Variants in LPIN3 observed in about 807,000 individuals in gnomAD.
LPIN3 encodes the protein lipin 3.
In LPIN3, 82 loss-of-function variants were observed where a neutral mutation model predicts 94.7. The ratio of observed to expected loss-of-function variants is 0.87; its 90% confidence interval spans 0.72 to 1.04. The LOEUF (loss-of-function observed/expected upper bound fraction) is 1.04, where lower values mean the gene tolerates loss of function less well. Among genes scored for constraint, LPIN3 ranks in the 50% least tolerant of loss-of-function variants. The probability of loss-of-function intolerance (pLI) is 0.00; values close to 1 mark genes in which losing one functional copy is unlikely to be tolerated. For synonymous variants in LPIN3, 418 were observed against 443.3 expected (o/e 0.94, Z 0.72); for missense variants, 996 against 1,090.5 (o/e 0.91, Z 1.22).
At chr20:41,356,971 C>A (rs150651050) in intron 14 of LPIN3, 69 bp from the exon 15 acceptor site, 7 of 1,567,994 alleles carry the variant, frequency 4.5e-6, no homozygotes, top group Non-Finnish European at 6.1e-6. Context: ...GAGGCCACGG[C>A]GTAAGGGGAG....
rs756368051 is a variant in LPIN3, at chr20:41,354,736, AG to A, written c.1620+1del. On this transcript the variant is annotated frameshift_variant and splice_region_variant, in exon 12 of 20. Coordinates refer to ENST00000373257, the MANE Select transcript of LPIN3 (RefSeq NM_022896.3). LOFTEE classifies it high-confidence loss of function. ...SWRRRDFLAE[E>X]RSAQKEKTAA... ...CGACGCAGGGACTTCCTGGCCGAGG[AG>A]GTGGGTGGTCACAGTCGAGGGCCAG... is the stretch of plus-strand genomic sequence containing the variant. 80 of 1,607,250 alleles carry A rather than the reference AG, an allele frequency of 5.0e-5. No individual in the cohort carries two copies. In the Admixed American group the frequency reaches 1.4e-3, roughly 27 times the overall value.
At chr20:41,351,151 G>T (rs934375771) in intron 7 of LPIN3, among the ~76,000 whole-genome samples, 1 of 151,858 alleles carries the variant, frequency 6.6e-6, no homozygotes, top group African/African-American at 2.4e-5. Flanking sequence ...TACTGAGGAG[G>T]CTGAGGCAGG....
At chr20:41,354,954 T>G in intron 13 of LPIN3, 91 bp downstream of exon 13, 1 of 1,235,416 alleles carries the variant, frequency 8.1e-7, no homozygotes, top group Non-Finnish European at 1.1e-6. Flanking sequence ...GCCAGCACCC[T>G]GTCTCCAGCT....
rs764929023 is a variant in LPIN3, at chr20:41,352,092, A to AAC, written c.1236_1237dup (p.Pro413HisfsTer8). 130 of 1,614,124 alleles carry AAC rather than the reference A, an allele frequency of 8.1e-5. No individual in the cohort carries two copies. The highest frequency in any genetic ancestry group is 1.0e-4 in the Non-Finnish European group (123 of 1,180,048). On this transcript the variant is annotated frameshift_variant, in exon 9 of 20. Coordinates refer to ENST00000373257, the MANE Select transcript of LPIN3 (RefSeq NM_022896.3). LOFTEE classifies it high-confidence loss of function. Reference sequence around the variant, plus strand: ...GGGCTGGGGGCCAGAAGATGGAGTGAACCCAGCAGTCAGAAGTCCCTGAGG... The same window carrying AAC: ...GGGCTGGGGGCCAGAAGATGGAGTGAACACCCAGCAGTCAGAAGTCCCTGAGG...
At position 41,355,959 on chromosome 20, in the gene LPIN3, C is replaced by A; in HGVS notation, c.1728C>A (p.Ile576=). The A allele has an allele frequency of 1.2e-6, 2 of 1,614,124 alleles. No individual in the cohort carries two copies. Among genetic ancestry groups the A allele is most frequent in the South Asian group, 1.1e-5 (1 of 91,074 alleles). Residue 576 remains isoleucine (I), a synonymous_variant, in exon 14 of 20, where the codon ATC becomes ATA. Coordinates refer to ENST00000373257, the MANE Select transcript of LPIN3 (RefSeq NM_022896.3). ...DAPDSPVILE[I]PSLPPSTPPS... ...CAGACAGCCCTGTGATCCTGGAGAT[C>A]CCCTCCTTGCCACCCTCCACTCCAC...
At position 41,348,878 on chromosome 20, in the gene LPIN3, A is replaced by C. The variant is rs771230776; in HGVS notation, c.548A>C (p.Glu183Ala). The change falls in exon 4 of 20, where the codon GAG becomes GCG. Residue 183 changes from glutamate to alanine, a missense_variant. By Grantham distance (107) the Glu-to-Ala change is moderately radical. Coordinates refer to ENST00000373257, the MANE Select transcript of LPIN3 (RefSeq NM_022896.3). Reference protein sequence around the residue: ...ELSLPEKLRPEPPGVQLEEKS... With the variant: ...ELSLPEKLRPAPPGVQLEEKS... ...TCCCTGCCGGAAAAGCTGAGGCCAG[A>C]GCCCCCAGGGTGTGTAAGGACCAAG... 3 of 1,604,542 alleles carry C rather than the reference A, an allele frequency of 1.9e-6. No individual in the cohort carries two copies. In the South Asian group the frequency reaches 3.3e-5, roughly 18 times the overall value.
rs1260649928 is a variant in LPIN3 at position 41,349,733 on chromosome 20, T to C, written c.639-41T>C. 21 of 1,578,920 alleles carry C rather than the reference T, an allele frequency of 1.3e-5. No individual in the cohort carries two copies. The East Asian group carries it at 4.7e-4, about 36-fold the overall frequency. ...TGGCTGGGGTGGGCAGCAGCGGGGA[T>C]GGGTAGGCAGGCTCAAGGCCTCTCA... is the stretch of plus-strand genomic sequence containing the variant. On this transcript the variant is annotated intron_variant, in intron 5 of 19. Coordinates refer to ENST00000373257, the MANE Select transcript of LPIN3 (RefSeq NM_022896.3).
intron 5 of LPIN3, 22 bp downstream of exon 5, chr20:41,349,194 A>C (rs1171884721): frequency 6.2e-7 from 1 of 1,605,520 alleles, no homozygotes; most frequent in Non-Finnish European, 8.5e-7. Context: ...GGTGGGCTGC[A>C]GGCCAGGACT....
chr20:41,355,664 T>C (rs1361503908), intron 13 of LPIN3, among the ~76,000 whole-genome samples: 1 of 152,216 alleles, frequency 6.6e-6, no homozygotes, highest in Non-Finnish European at 1.5e-5. Context: ...CACTGAGGGC[T>C]GGCAACCCTG....
rs201962045 is a variant in LPIN3 at position 41,358,544 on chromosome 20, T to G, written c.2411+2T>G. ...GCTCATAAAGAACCACAAATCCACGTGAGGCTAAACCCTGCCATGTTCCCC... is the reference window on the plus strand; with the variant it reads ...GCTCATAAAGAACCACAAATCCACGGGAGGCTAAACCCTGCCATGTTCCCC... On this transcript the variant is annotated splice_donor_variant, in intron 19 of 19. Coordinates refer to ENST00000373257, the MANE Select transcript of LPIN3 (RefSeq NM_022896.3). LOFTEE classifies it high-confidence loss of function. The G allele has an allele frequency of 1.2e-6, 2 of 1,613,924 alleles. No homozygotes were observed. Among genetic ancestry groups the G allele is most frequent in the Non-Finnish European group, 1.7e-6 (2 of 1,179,940 alleles).
At chr20:41,358,658 C>T (rs1043789546) in intron 19 of LPIN3, 64 bp from the exon 20 acceptor site, 2 of 1,606,070 alleles carry the variant, frequency 1.2e-6, no homozygotes, top group African/African-American at 2.7e-5. Flanking sequence ...CTGGGACAGA[C>T]CCATGGCCAA....
intron 1 of LPIN3, 102 bp downstream of exon 1, chr20:41,341,104 G>A (rs892168648): frequency 2.6e-5 from 4 of 152,260 alleles, no homozygotes; most frequent in African/African-American, 9.7e-5. Context: ...GCGGGCCTGG[G>A]TCCACCCCTA....
chr20:41,353,700 C>T (rs983573272), intron 11 of LPIN3, among the ~76,000 whole-genome samples: 1 of 152,270 alleles, frequency 6.6e-6, no homozygotes, highest in Non-Finnish European at 1.5e-5. Context: ...GCAGTGCCAG[C>T]CTGTGCCAAC....
intron 1 of LPIN3, among the ~76,000 whole-genome samples, chr20:41,342,103 T>C (rs1349227466): frequency 2.6e-5 from 4 of 152,182 alleles, no homozygotes; most frequent in African/African-American, 7.2e-5. Context: ...CTGCTGCTGA[T>C]AGGTGTACAT....
intron 3 of LPIN3, 53 bp downstream of exon 3, chr20:41,347,700 C>G (rs2045837106): frequency 6.8e-7 from 1 of 1,473,694 alleles, no homozygotes; most frequent in Admixed American, 1.9e-5. Flanking sequence ...TCCTGTGCCT[C>G]TTCTGGGCAG....
At chr20:41,358,156 C>T (rs1490418972) in intron 17 of LPIN3, 81 bp from the exon 18 acceptor site, 32 of 1,584,118 alleles carry the variant, frequency 2.0e-5, no homozygotes, top group Non-Finnish European at 2.1e-5. Flanking sequence ...GGGTCAGACC[C>T]CCCATCACCT....
In LPIN3 at chr20:41,348,712, C is replaced by G. The variant is rs1185336037; in HGVS notation, c.382C>G (p.Pro128Ala). The G allele has an allele frequency of 6.2e-7, 1 of 1,613,968 alleles. No homozygotes were observed. The highest frequency in any genetic ancestry group is 8.5e-7 in the Non-Finnish European group (1 of 1,179,976). The part of the protein sequence containing the change: ...SDSQLGTASE[P>A]EGLVMAGTAS... Reference sequence around the variant, plus strand: ...CTCCCAGCTGGGCACTGCCAGTGAGCCTGAGGGCCTCGTCATGGCAGGCAC... The same window carrying G: ...CTCCCAGCTGGGCACTGCCAGTGAGGCTGAGGGCCTCGTCATGGCAGGCAC... The change falls in exon 4 of 20, where the codon CCT becomes GCT. Residue 128 changes from proline to alanine, a missense_variant. Transcript: ENST00000373257.
intron 17 of LPIN3, 33 bp from the exon 18 acceptor site, chr20:41,358,204 C>T (rs373394892): frequency 2.5e-6 from 4 of 1,607,638 alleles, no homozygotes; most frequent in African/African-American, 1.3e-5. Flanking sequence ...CCTACTTTGG[C>T]CCCCTTCCCT....
intron 1 of LPIN3, among the ~76,000 whole-genome samples, chr20:41,344,833 G>T (rs1321314547): frequency 6.6e-6 from 1 of 152,216 alleles, no homozygotes; most frequent in African/African-American, 2.4e-5. Context: ...AGGAGCTGGG[G>T]TTAGGGTTGA....
Sources: allele counts gnomAD v4.1 joint callset (sites outside exome capture counted in the v4.1 genomes callset), GRCh38; gene constraint gnomAD v4.1.1; transcripts MANE v1.5; gene names NCBI Gene and HGNC (gene_info 2026-07-23, HGNC 2026-07-21).